ASCC1: variants seen among roughly 807,000 people sequenced by gnomAD.
The protein encoded by ASCC1 is activating signal cointegrator 1 complex subunit 1.
ASCC1 carries 35 observed loss-of-function variants against 46.6 expected under a neutral mutation model. The observed-to-expected ratio is 0.75, with a 90% CI of 0.57 to 0.99. The LOEUF is 0.99. Among genes scored for constraint, ASCC1 ranks in the 50% least tolerant of loss-of-function variants. ASCC1 has a pLI of 0.00. For synonymous variants in ASCC1, 143 were observed against 146.6 expected (o/e 0.98, Z 0.18); for missense variants, 376 against 428.7 (o/e 0.88, Z 1.09).
chr10:72,204,272 T>A (rs939552061), intron 3 of ASCC1: 1 of 929,314 alleles, frequency 1.1e-6, no homozygotes, highest in Middle Eastern at 2.2e-4. Context: ...TTTTTTTCAA[T>A]TTTTTTCAAT....
At chr10:72,133,340 T>G in intron 7 of ASCC1, 159 bp from the exon 8 acceptor site, 1 of 706,126 alleles carries the variant, frequency 1.4e-6, no homozygotes, top group Non-Finnish European at 2.5e-6. Context: ...CCCACCATCA[T>G]GGAGCTAAAG....
At chr10:72,124,549 A>G (rs940662337) in intron 9 of ASCC1, among the ~76,000 whole-genome samples, 2 of 152,126 alleles carry the variant, frequency 1.3e-5, no homozygotes, top group African/African-American at 4.8e-5. Context: ...TACTGATTCT[A>G]TTGCTTAAGA....
chr10:72,199,197 C>A (rs1856105217), intron 4 of ASCC1, among the ~76,000 whole-genome samples: 3 of 152,010 alleles, frequency 2.0e-5, no homozygotes, highest in Admixed American at 6.6e-5. Context: ...GATCTCGGCT[C>A]ACTGCAACCT....
chr10:72,112,729 A>C (rs1843053617), intron 9 of ASCC1, among the ~76,000 whole-genome samples: 1 of 151,852 alleles, frequency 6.6e-6, no homozygotes, highest in Non-Finnish European at 1.5e-5. Context: ...AAATACAAAA[A>C]TTTGCCAGGC....
At chr10:72,208,189 G>C (rs889992453) in intron 3 of ASCC1, among the ~76,000 whole-genome samples, 3 of 151,974 alleles carry the variant, frequency 2.0e-5, no homozygotes, top group Admixed American at 6.6e-5. Context: ...AATTTAACAT[G>C]CAAGTCACTT....
intron 5 of ASCC1, among the ~76,000 whole-genome samples, chr10:72,184,126 A>G (rs555018299): frequency 1.5e-4 from 23 of 152,184 alleles, no homozygotes; most frequent in Admixed American, 9.8e-4. Context: ...CCTGGGTAAC[A>G]GAGCCAGACT....
Position 72,161,837 on chromosome 10 carries a change from A to G in ASCC1, c.490-163T>C, listed in dbSNP as rs12269486. On this transcript the variant is annotated intron_variant, in intron 5 of 9. Transcript: ENST00000672957. ...GAAAGTCTCCTCAATAAATGATGCT[A>G]GAACAATAGAATACCCACATGCAAA... Among the ~76,000 whole-genome samples, 20,007 of 152,196 alleles carry G rather than the reference A, an allele frequency of 0.13. 4,160 individuals are homozygous for G. Among genetic ancestry groups the G allele is most frequent in the African/African-American group, 0.44 (18,154 of 41,438 alleles).
intron 7 of ASCC1, among the ~76,000 whole-genome samples, chr10:72,152,137 C>T (rs1180505459): frequency 6.6e-6 from 1 of 151,280 alleles, no homozygotes; most frequent in East Asian, 1.9e-4. Context: ...AAACTACAGG[C>T]GCACACCATC....
At chr10:72,188,595 C>A (rs565745442) in intron 5 of ASCC1, among the ~76,000 whole-genome samples, 4 of 152,230 alleles carry the variant, frequency 2.6e-5, no homozygotes, top group Admixed American at 1.3e-4. Context: ...AAAGTTTTCA[C>A]CCAAAACATT....
At chr10:72,127,989 A>T (rs1845087897) in intron 9 of ASCC1, 93 bp downstream of exon 9, 2 of 993,530 alleles carry the variant, frequency 2.0e-6, no homozygotes, top group Admixed American at 3.6e-5. Flanking sequence ...AAGTATGAAG[A>T]AGTATGAAGA....
chr10:72,111,888 C>T (rs563066240), intron 9 of ASCC1, among the ~76,000 whole-genome samples: 12 of 152,214 alleles, frequency 7.9e-5, no homozygotes, highest in African/African-American at 2.2e-4. Flanking sequence ...GTGATCCTCC[C>T]GCCTCGGCCT....
intron 5 of ASCC1, among the ~76,000 whole-genome samples, chr10:72,172,431 A>G (rs528422892): frequency 3.6e-4 from 54 of 149,612 alleles, no homozygotes; most frequent in South Asian, 2.5e-3. Flanking sequence ...AAAAAAAAAA[A>G]AAAAGAAAAA....
At chr10:72,158,152 T>C (rs1225532666) in intron 6 of ASCC1, among the ~76,000 whole-genome samples, 2 of 152,194 alleles carry the variant, frequency 1.3e-5, no homozygotes, top group Admixed American at 6.5e-5. Context: ...AAGAGGGAGA[T>C]GAAAGAGCAG....
chr10:72,143,002 A>T (rs1847205931), intron 7 of ASCC1, among the ~76,000 whole-genome samples: 1 of 151,872 alleles, frequency 6.6e-6, no homozygotes, highest in Admixed American at 6.6e-5. Context: ...TCTACTAAAA[A>T]TACGAAAAAT....
intron 9 of ASCC1, among the ~76,000 whole-genome samples, chr10:72,121,524 A>C (rs1756109252): frequency 7.2e-6 from 1 of 139,026 alleles, no homozygotes; most frequent in Admixed American, 6.6e-5. Flanking sequence ...TCTTAAAAAA[A>C]AAAAAAAGAA....
chr10:72,198,601 C>T (rs1434402223), intron 4 of ASCC1: 1 of 455,564 alleles, frequency 2.2e-6, no homozygotes, highest in East Asian at 7.0e-5. Flanking sequence ...GATTTCAAAA[C>T]AGACAAGACC....
chr10:72,102,381 T>C (rs1488169510), intron 9 of ASCC1: 1 of 1,550,508 alleles, frequency 6.4e-7, no homozygotes, highest in Non-Finnish European at 8.7e-7. Context: ...AGGATTTTCC[T>C]GGTAGGCTCT....
chr10:72,148,578 G>A (rs566096995), intron 7 of ASCC1, among the ~76,000 whole-genome samples: 1 of 152,308 alleles, frequency 6.6e-6, no homozygotes, highest in South Asian at 2.1e-4. Flanking sequence ...TGGAAAATGT[G>A]TATCTGCCAC....
At chr10:72,142,806 T>G (rs1262573385) in intron 7 of ASCC1, among the ~76,000 whole-genome samples, 1 of 152,130 alleles carries the variant, frequency 6.6e-6, no homozygotes, top group Non-Finnish European at 1.5e-5. Context: ...CCATTACACA[T>G]GTAGTATATA....
Sources: allele counts gnomAD v4.1 joint callset (sites outside exome capture counted in the v4.1 genomes callset), GRCh38; gene constraint gnomAD v4.1.1; transcripts MANE v1.5; gene names NCBI Gene and HGNC (gene_info 2026-07-23, HGNC 2026-07-21).